The following RALGAPA2 variants were observed in gnomAD, a reference collection of about 807,000 sequenced individuals.
The protein encoded by RALGAPA2 is Ral GTPase activating protein catalytic subunit alpha 2.
In RALGAPA2, 139 loss-of-function variants were observed where a neutral mutation model predicts 230.4. The observed-to-expected ratio is 0.60, with a 90% CI of 0.53 to 0.69. The LOEUF (loss-of-function observed/expected upper bound fraction) is 0.69. Ranked by LOEUF, RALGAPA2 falls within the 30% of genes least tolerant of loss-of-function variation. The pLI is 0.00. For missense variants in RALGAPA2, 2,163 were observed against 2,276.0 expected, an observed-to-expected ratio of 0.95 and a Z score of 1.01; for synonymous variants, 847 against 837.8, an observed-to-expected ratio of 1.01 and a Z score of -0.19.
intron 1 of RALGAPA2, among the ~76,000 whole-genome samples, chr20:20,693,832 C>T (rs548175461): frequency 3.3e-5 from 5 of 152,202 alleles, no homozygotes; most frequent in East Asian, 3.9e-4. Flanking sequence ...TGGCCGGGCA[C>T]GGTGGCTCAC....
At chr20:20,421,676 T>TAAACAAACAAAC (rs150566958) in intron 37 of RALGAPA2, among the ~76,000 whole-genome samples, 2 of 151,908 alleles carry the variant, frequency 1.3e-5, no homozygotes, top group African/African-American at 4.8e-5. Context: ...GTCTCAAAAA[T>TAAACAAACAAAC]AAACAAACAA....
chr20:20,633,009 TTCTC>T (rs376406756), intron 9 of RALGAPA2, among the ~76,000 whole-genome samples: 1,674 of 151,148 alleles, frequency 0.011, 9 homozygotes, highest in Middle Eastern at 0.024. Flanking sequence ...TACTGGGTCT[TTCTC>T]TCTCTCTCTC....
At chr20:20,508,284 G>A (rs1381052589) in intron 33 of RALGAPA2, among the ~76,000 whole-genome samples, 1 of 152,160 alleles carries the variant, frequency 6.6e-6, no homozygotes, top group Non-Finnish European at 1.5e-5. Context: ...AACATCAACA[G>A]CACTTCACAT....
chr20:20,600,257 C>T (rs573481012), intron 16 of RALGAPA2, among the ~76,000 whole-genome samples: 236 of 152,306 alleles, frequency 1.5e-3, no homozygotes, highest in Non-Finnish European at 2.6e-3. Context: ...GATCGCTCCA[C>T]TGCGGTTCAG....
chr20:20,468,470 T>C (rs564190921), intron 37 of RALGAPA2, among the ~76,000 whole-genome samples: 1 of 152,260 alleles, frequency 6.6e-6, no homozygotes, highest in South Asian at 2.1e-4. Context: ...ATCTGATATG[T>C]TTTAACATCT....
At chr20:20,687,422 G>A (rs2068746663) in intron 1 of RALGAPA2, among the ~76,000 whole-genome samples, 1 of 152,150 alleles carries the variant, frequency 6.6e-6, no homozygotes, top group African/African-American at 2.4e-5. Flanking sequence ...ACATTTGGAT[G>A]GTGCCCAACC....
At chr20:20,692,984 A>G (rs1226684497) in intron 1 of RALGAPA2, among the ~76,000 whole-genome samples, 1 of 152,260 alleles carries the variant, frequency 6.6e-6, no homozygotes, top group Non-Finnish European at 1.5e-5. Flanking sequence ...AAAATTTGCC[A>G]ATTCCAACAG....
chr20:20,464,639 C>T (rs991030194), intron 37 of RALGAPA2, among the ~76,000 whole-genome samples: 2 of 152,192 alleles, frequency 1.3e-5, no homozygotes, highest in Non-Finnish European at 2.9e-5. Flanking sequence ...AATGGGATCA[C>T]TTCCTTTATA....
chr20:20,589,162 T>C, intron 18 of RALGAPA2, 106 bp downstream of exon 18: 3 of 1,421,876 alleles, frequency 2.1e-6, no homozygotes, highest in Non-Finnish European at 2.8e-6. Context: ...ACTGTCTAAA[T>C]GGAAAAAAAT....
chr20:20,515,615 G>A (rs1362523934), intron 31 of RALGAPA2, among the ~76,000 whole-genome samples: 1 of 152,218 alleles, frequency 6.6e-6, no homozygotes, highest in Non-Finnish European at 1.5e-5. Flanking sequence ...CTGCTTAAGG[G>A]AGTGATGAGA....
intron 7 of RALGAPA2, among the ~76,000 whole-genome samples, chr20:20,638,646 G>T (rs1288606218): frequency 6.6e-6 from 1 of 152,176 alleles, no homozygotes; most frequent in African/African-American, 2.4e-5. Flanking sequence ...ATACTCTGTT[G>T]ATTTTCCAGG....
intron 4 of RALGAPA2, among the ~76,000 whole-genome samples, chr20:20,644,909 C>CA (rs1377455071): frequency 6.6e-6 from 1 of 152,116 alleles, no homozygotes; most frequent in African/African-American, 2.4e-5. Flanking sequence ...CTGGCAGAGC[C>CA]AACAGATACT....
At chr20:20,507,639 G>A (rs886406447) in intron 33 of RALGAPA2, among the ~76,000 whole-genome samples, 1 of 152,190 alleles carries the variant, frequency 6.6e-6, no homozygotes, top group Non-Finnish European at 1.5e-5. Context: ...TTATAGGGTT[G>A]AGCACCATGC....
At chr20:20,483,771 AAT>A (rs2061838837) in intron 36 of RALGAPA2, among the ~76,000 whole-genome samples, 1 of 152,220 alleles carries the variant, frequency 6.6e-6, no homozygotes, top group Non-Finnish European at 1.5e-5. Flanking sequence ...CCCTTAAGTA[AAT>A]CTCAGACAAT....
intron 14 of RALGAPA2, among the ~76,000 whole-genome samples, chr20:20,608,674 G>A (rs986706130): frequency 3.9e-5 from 6 of 152,188 alleles, no homozygotes; most frequent in Admixed American, 2.0e-4. Flanking sequence ...TTTAACGGCA[G>A]CGTGGGACCA....
chr20:20,407,144 A>G (rs553302160), intron 38 of RALGAPA2, among the ~76,000 whole-genome samples: 1 of 152,244 alleles, frequency 6.6e-6, no homozygotes, highest in East Asian at 1.9e-4. Context: ...AATTAATGTG[A>G]CAGGGTTAGA....
At chr20:20,479,353 G>A (rs1371565066) in intron 36 of RALGAPA2, among the ~76,000 whole-genome samples, 1 of 151,944 alleles carries the variant, frequency 6.6e-6, no homozygotes, top group Non-Finnish European at 1.5e-5. Context: ...CCAAAATGAG[G>A]GGCCAATCTC....
At position 20,391,154 on chromosome 20, in the gene RALGAPA2, T is replaced by TG. The variant is rs1470548053; in HGVS notation, c.*2134dup. On this transcript the variant is annotated 3_prime_UTR_variant, in exon 40 of 40. Coordinates refer to ENST00000202677, the MANE Select transcript of RALGAPA2 (RefSeq NM_020343.4). ...GCTGGTAGAGACCTACAGGGGACTC[T>TG]GGAGCCTAGGAGCATGCGATGGCCT... is the stretch of plus-strand genomic sequence containing the variant. The TG allele has an allele frequency of 7.9e-5, 12 of 152,206 alleles. No homozygotes were observed. Among genetic ancestry groups the TG allele is most frequent in the Non-Finnish European group, 1.3e-4 (9 of 68,026 alleles). The allele number at this position is 152,206 out of a possible 1,614,324, so 9.4% of individuals were successfully genotyped here.
intron 24 of RALGAPA2, among the ~76,000 whole-genome samples, chr20:20,546,304 CTT>C (rs1353062250): frequency 6.6e-6 from 1 of 152,020 alleles, no homozygotes; most frequent in African/African-American, 2.4e-5. Context: ...TTCTATGAGA[CTT>C]ATAATAACCA....
Sources: gnomAD v4.1 joint callset for allele counts (sites outside exome capture counted in the v4.1 genomes callset) on GRCh38, gnomAD v4.1.1 for gene constraint, MANE v1.5 for transcripts, NCBI Gene and HGNC (gene_info 2026-07-23, HGNC 2026-07-21) for gene names.